The following MGA variants were observed in gnomAD, a reference collection of about 807,000 sequenced individuals.
MGA encodes the protein MAX gene-associated protein.
Under a neutral mutation model 261.1 loss-of-function variants are expected in MGA, and 40 were observed. The observed-to-expected ratio is 0.15, with a 90% CI of 0.12 to 0.20. MGA has a LOEUF of 0.20. Among genes scored for constraint, MGA ranks in the 10% least tolerant of loss-of-function variants. The probability of loss-of-function intolerance (pLI) is 1.00; values close to 1 mark genes in which losing one functional copy is unlikely to be tolerated. For missense variants in MGA, 3,397 were observed against 3,630.5 expected, an observed-to-expected ratio of 0.94 and a Z score of 1.65; for synonymous variants, 1,302 against 1,290.6, an observed-to-expected ratio of 1.01 and a Z score of -0.19.
At chr15:41,720,823 C>G (rs2060898780) in intron 9 of MGA, among the ~76,000 whole-genome samples, 3 of 151,788 alleles carry the variant, frequency 2.0e-5, no homozygotes, top group African/African-American at 7.3e-5. Flanking sequence ...GAGACTCTGT[C>G]TCAAAATAAA....
At chr15:41,664,826 T>C (rs1348928263) in intron 1 of MGA, among the ~76,000 whole-genome samples, 1 of 152,214 alleles carries the variant, frequency 6.6e-6, no homozygotes, top group Non-Finnish European at 1.5e-5. Flanking sequence ...GTTTTGTCAG[T>C]CTCTGATAGG....
rs375788213 is a variant in MGA, at chr15:41,762,122, C to G, written c.7511-7C>G. ...TGAAAGTGCTAATGTATTCTGTTAA[C>G]TTACAGGTAAGACAGAAGAAGTGGT... is the stretch of plus-strand genomic sequence containing the variant. On this transcript the variant is annotated splice_polypyrimidine_tract_variant and splice_region_variant and intron_variant, in intron 21 of 23. Transcript: ENST00000219905. 1 of 1,601,722 alleles carries G rather than the reference C, an allele frequency of 6.2e-7. No homozygotes were observed. The highest frequency in any genetic ancestry group is 8.5e-7 in the Non-Finnish European group (1 of 1,170,480).
intron 18 of MGA, among the ~76,000 whole-genome samples, chr15:41,757,347 A>C (rs1160621653): frequency 6.6e-6 from 1 of 152,230 alleles, no homozygotes; most frequent in Non-Finnish European, 1.5e-5. Context: ...TCCCTAAACA[A>C]TACAGTATAA....
At chr15:41,739,851 G>A in intron 13 of MGA, 55 bp from the exon 14 acceptor site, 2 of 1,547,532 alleles carry the variant, frequency 1.3e-6, no homozygotes, top group Non-Finnish European at 1.8e-6. Context: ...TCAAGGGAGA[G>A]GAGTTAGCAA....
chr15:41,661,526 GAACGGGTA>G (rs751917888), intron 1 of MGA, among the ~76,000 whole-genome samples: 1 of 152,138 alleles, frequency 6.6e-6, no homozygotes, highest in Non-Finnish European at 1.5e-5. Flanking sequence ...GTGGAAGCAG[GAACGGGTA>G]AATGAGGTCT....
rs1386379191 is a variant in MGA, at chr15:41,712,964, C to G, written c.3085-187C>G. Among the ~76,000 whole-genome samples, 8 of 152,330 alleles carry G rather than the reference C, an allele frequency of 5.3e-5. 2 individuals carry two copies. The South Asian group carries it at 1.4e-3, about 28-fold the overall frequency. On this transcript the variant is annotated intron_variant, in intron 8 of 23. Coordinates refer to ENST00000219905, the MANE Select transcript of MGA (RefSeq NM_001164273.2). ...ATAGTTTTGCCCATAATTGTCTGTA[C>G]TAAGCATTAGAATGGCAGATTGTTT...
chr15:41,649,031 G>A (rs1277399031), intron 1 of MGA, among the ~76,000 whole-genome samples: 3 of 152,090 alleles, frequency 2.0e-5, no homozygotes, highest in Non-Finnish European at 2.9e-5. Context: ...GTTTTAAATT[G>A]AGTGCTTCTA....
intron 2 of MGA, among the ~76,000 whole-genome samples, chr15:41,680,696 C>A (rs1369669643): frequency 1.3e-5 from 2 of 152,228 alleles, no homozygotes. Context: ...GAGGGTCTCA[C>A]ATGCAGAGCT....
At chr15:41,689,104 G>C (rs150960350) in intron 2 of MGA, among the ~76,000 whole-genome samples, 14 of 152,236 alleles carry the variant, frequency 9.2e-5, no homozygotes, top group African/African-American at 3.4e-4. Flanking sequence ...GTGTTATATG[G>C]ATTACAATGT....
rs1239536447 is a variant in MGA, at chr15:41,748,759, A to G, written c.5335A>G (p.Asn1779Asp). The G allele has an allele frequency of 6.2e-7, 1 of 1,613,794 alleles. No homozygotes were observed. Among genetic ancestry groups the G allele is most frequent in the Non-Finnish European group, 8.5e-7 (1 of 1,179,864 alleles). Residue 1779 changes from asparagine to aspartate, a missense_variant, in exon 16 of 24, where the codon AAC (asparagine) becomes GAC (aspartate). This residue lies in a region of MGA where 1,410 missense variants were observed against 1,386.4 expected (regional missense o/e 1.02). Transcript: ENST00000219905. The stretch of plus-strand genomic sequence containing the variant: ...TTCTCCTACTCTTAGACCTGTCTCA[A>G]ACACACAACTTCAGGGACATCGGAT...
chr15:41,729,276 C>T lies in MGA; in HGVS notation c.3770C>T (p.Ser1257Phe), dbSNP rs754766795. 5 of 1,613,888 alleles carry T rather than the reference C, an allele frequency of 3.1e-6. No individual in the cohort carries two copies. Among genetic ancestry groups the T allele is most frequent in the Middle Eastern group, 3.3e-4 (2 of 6,062 alleles). ...GAGGACCAGAGACAACCATCTTCCT[C>T]CTCCTCCCCATCTCCATCATTTCAG... The change falls in exon 11 of 24, where the codon TCC becomes TTC. Residue 1257 changes from serine to phenylalanine, a missense_variant. Transcript: ENST00000219905.
rs777083929 is a variant in MGA at position 41,748,720 on chromosome 15, C to G, written c.5296C>G (p.Pro1766Ala). ...TGCTGGACCTCGATTGTTGTTGATT[C>G]CAGTGCAGCAGGGTTCTCCTACTCT... is the stretch of plus-strand genomic sequence containing the variant. The change falls in exon 16 of 24, where the codon CCA becomes GCA. Residue 1766 changes from proline (P) to alanine (A), a missense_variant. This residue lies in a region of MGA where 1,410 missense variants were observed against 1,386.4 expected (regional missense o/e 1.02). Coordinates refer to ENST00000219905, the MANE Select transcript of MGA (RefSeq NM_001164273.2). The G allele has an allele frequency of 6.2e-7, 1 of 1,613,970 alleles. No individual in the cohort carries two copies. The highest frequency in any genetic ancestry group is 8.5e-7 in the Non-Finnish European group (1 of 1,179,894).
In MGA at chr15:41,662,187, C is replaced by A. The variant is rs1014653972; in HGVS notation, c.-68+1662C>A. ...GGGTCCACTTTACAGAAAACACAGG[C>A]TAAAGACTTGAGGAAATTCAGTGCC... On this transcript the variant is annotated intron_variant, in intron 1 of 23. Coordinates refer to ENST00000219905, the MANE Select transcript of MGA (RefSeq NM_001164273.2). Among the ~76,000 whole-genome samples, 3 of 152,214 alleles carry A rather than the reference C, an allele frequency of 2.0e-5. No homozygotes were observed. The East Asian group carries it at 5.8e-4, about 29-fold the overall frequency.
intron 15 of MGA, among the ~76,000 whole-genome samples, chr15:41,747,328 T>C (rs188170090): frequency 3.5e-4 from 53 of 152,276 alleles, no homozygotes; most frequent in African/African-American, 9.9e-4. Context: ...GGATTTTTAG[T>C]TCTTTATCTT....
intron 5 of MGA, among the ~76,000 whole-genome samples, chr15:41,704,264 C>G (rs761569460): frequency 6.6e-6 from 1 of 151,876 alleles, no homozygotes; most frequent in Non-Finnish European, 1.5e-5. Flanking sequence ...AGGCTTGTCT[C>G]AAACTCCTGG....
intron 1 of MGA, among the ~76,000 whole-genome samples, chr15:41,635,902 A>G (rs192036811): frequency 9.8e-5 from 15 of 152,286 alleles, no homozygotes; most frequent in African/African-American, 3.6e-4. Flanking sequence ...ATACTGGTGT[A>G]AACAAACCTG....
intron 10 of MGA, among the ~76,000 whole-genome samples, chr15:41,728,841 T>A (rs950953789): frequency 6.6e-6 from 1 of 152,202 alleles, no homozygotes; most frequent in Non-Finnish European, 1.5e-5. Flanking sequence ...ATTTTATATG[T>A]TTTTAGTTTT....
chr15:41,710,015 C>T (rs1460528592), intron 7 of MGA, among the ~76,000 whole-genome samples: 9 of 151,782 alleles, frequency 5.9e-5, no homozygotes, highest in African/African-American at 1.9e-4. Context: ...TTAGTAGAGA[C>T]GGGTTTTCTC....
At chr15:41,734,280 C>G (rs1273371450) in intron 11 of MGA, among the ~76,000 whole-genome samples, 1 of 151,696 alleles carries the variant, frequency 6.6e-6, no homozygotes, top group African/African-American at 2.4e-5. Flanking sequence ...CTTTAAAGTA[C>G]AATGTGAATT....
Sources: allele counts gnomAD v4.1 joint callset (sites outside exome capture counted in the v4.1 genomes callset), GRCh38; gene constraint gnomAD v4.1.1; regional missense constraint gnomAD v4.1.1; transcripts MANE v1.5; gene names NCBI Gene and HGNC (gene_info 2026-07-23, HGNC 2026-07-21).